Variants in EIF5A2 observed in about 807,000 individuals in gnomAD.
The protein encoded by EIF5A2 is eukaryotic translation initiation factor 5A2, also known as eukaryotic translation initiation factor 5A-2.
In EIF5A2, 15 loss-of-function variants were observed where a neutral mutation model predicts 16.4. That is an observed-to-expected ratio of 0.92 (90% confidence interval 0.61 to 1.41). EIF5A2 has a LOEUF of 1.41. Among genes scored for constraint, EIF5A2 ranks in the 40% most tolerant of loss-of-function variants. The pLI is 0.00. For synonymous variants in EIF5A2, 48 were observed against 61.1 expected (o/e 0.79, Z 1.00); for missense variants, 144 against 189.5 (o/e 0.76, Z 1.41).
At position 170,908,341 on chromosome 3, in the gene EIF5A2, C is replaced by T. The variant is rs147159316; in HGVS notation, c.-36+202G>A. ...GGCCGCACAGGCGCCCCCTGTTCTG[C>T]CGGCATCCAGGGCTCAGCTCGGCCC... On this transcript the variant is annotated intron_variant, in intron 1 of 4. Coordinates refer to ENST00000295822, the MANE Select transcript of EIF5A2 (RefSeq NM_020390.6). Among the ~76,000 whole-genome samples, 105 of 152,350 alleles carry T rather than the reference C, an allele frequency of 6.9e-4. No individual in the cohort carries two copies. In the East Asian group the frequency reaches 0.019, roughly 27 times the overall value.
chr3:170,894,381 T>G lies in EIF5A2; in HGVS notation c.313A>C (p.Thr105Pro). The G allele has an allele frequency of 6.2e-7, 1 of 1,614,048 alleles. No individual in the cohort carries two copies. The change falls in exon 4 of 5, where the codon ACT becomes CCT. Residue 105 changes from threonine (T) to proline (P), a missense_variant. Coordinates refer to ENST00000295822, the MANE Select transcript of EIF5A2 (RefSeq NM_020390.6). ...QDGYLSLLTE[T>P]GEVREDLKLP... ...TTAAGATCCTCACGAACTTCACCAG[T>G]TTCTGTCAGCAGGGAAAGGTAACCA...
rs1462576142 is a variant in EIF5A2, at chr3:170,888,633, C to T, written c.*4727G>A. 6 of 152,126 alleles carry T rather than the reference C, an allele frequency of 3.9e-5. No homozygotes were observed. Among genetic ancestry groups the T allele is most frequent in the Non-Finnish European group, 7.4e-5 (5 of 67,904 alleles). The allele number at this position is 152,126 out of a possible 1,614,324, so 9.4% of individuals were successfully genotyped here. On this transcript the variant is annotated 3_prime_UTR_variant, in exon 5 of 5. Coordinates refer to ENST00000295822, the MANE Select transcript of EIF5A2 (RefSeq NM_020390.6). Reference sequence around the variant, plus strand: ...GTATTTTAGAATTTTAAAGTTTTAGCGAAAACATTTGAGTTTCTGCAGGTA... The same window carrying T: ...GTATTTTAGAATTTTAAAGTTTTAGTGAAAACATTTGAGTTTCTGCAGGTA...
At chr3:170,894,210 T>G in intron 4 of EIF5A2, 82 bp downstream of exon 4, 2 of 1,422,058 alleles carry the variant, frequency 1.4e-6, no homozygotes, top group Non-Finnish European at 1.9e-6. Flanking sequence ...CCACATTCCA[T>G]ATGTAGTATT....
At position 170,902,203 on chromosome 3, in the gene EIF5A2, G is replaced by A. The variant is rs188137074; in HGVS notation, c.270+4786C>T. Among the ~76,000 whole-genome samples, 21 of 152,232 alleles carry A rather than the reference G, an allele frequency of 1.4e-4. No individual in the cohort carries two copies. The East Asian group carries it at 1.9e-3, about 14-fold the overall frequency. ...GATACCAATGACTAGATGGACAGTT[G>A]CCTATGACCAGCTGACTGAGAAAGG... On this transcript the variant is annotated intron_variant, in intron 3 of 4. Coordinates refer to ENST00000295822, the MANE Select transcript of EIF5A2 (RefSeq NM_020390.6).
At chr3:170,895,848 A>G (rs987242990) in intron 3 of EIF5A2, among the ~76,000 whole-genome samples, 4 of 152,188 alleles carry the variant, frequency 2.6e-5, no homozygotes, top group Admixed American at 6.5e-5. Context: ...TAAAAAATAT[A>G]TATATTTTTA....
At chr3:170,904,638 C>CTG (rs1319480834) in intron 3 of EIF5A2, among the ~76,000 whole-genome samples, 2 of 152,094 alleles carry the variant, frequency 1.3e-5, no homozygotes, top group Non-Finnish European at 2.9e-5. Flanking sequence ...GGGACTACAG[C>CTG]TGTGTACACC....
chr3:170,896,130 C>G (rs1341100178), intron 3 of EIF5A2, among the ~76,000 whole-genome samples: 1 of 152,126 alleles, frequency 6.6e-6, no homozygotes, highest in Non-Finnish European at 1.5e-5. Flanking sequence ...AATAATAATA[C>G]TGATATTTTG....
chr3:170,899,402 T>A (rs1432924301), intron 3 of EIF5A2, among the ~76,000 whole-genome samples: 1 of 152,010 alleles, frequency 6.6e-6, no homozygotes, highest in African/African-American at 2.4e-5. Context: ...GTTGGGATTT[T>A]TTTTATTTTT....
At chr3:170,895,143 C>A (rs141984158) in intron 3 of EIF5A2, among the ~76,000 whole-genome samples, 11 of 151,004 alleles carry the variant, frequency 7.3e-5, no homozygotes, top group Non-Finnish European at 1.3e-4. Flanking sequence ...CCTTAGTTAA[C>A]TACCACATAT....
At chr3:170,900,464 G>A (rs1163419599) in intron 3 of EIF5A2, among the ~76,000 whole-genome samples, 4 of 151,656 alleles carry the variant, frequency 2.6e-5, no homozygotes, top group Admixed American at 1.3e-4. Flanking sequence ...ATCAGGAAGT[G>A]TGTAAGATGA....
chr3:170,894,213 G>A (rs1712609834), intron 4 of EIF5A2, 79 bp downstream of exon 4: 1 of 1,458,016 alleles, frequency 6.9e-7, no homozygotes. Flanking sequence ...CATTCCATAT[G>A]TAGTATTTTA....
intron 1 of EIF5A2, among the ~76,000 whole-genome samples, 158 bp from the exon 2 acceptor site, chr3:170,907,999 T>C (rs1486089653): frequency 6.6e-6 from 1 of 152,192 alleles, no homozygotes; most frequent in African/African-American, 2.4e-5. Flanking sequence ...CTCTGGCCTC[T>C]ACAAACTTTT....
At chr3:170,902,107 C>T (rs1031530171) in intron 3 of EIF5A2, among the ~76,000 whole-genome samples, 1 of 152,176 alleles carries the variant, frequency 6.6e-6, no homozygotes, top group African/African-American at 2.4e-5. Flanking sequence ...AAGGTACAAA[C>T]AAGTTGTATA....
Position 170,893,416 on chromosome 3 carries a change from A to G in EIF5A2, c.406T>C (p.Ser136Pro). Residue 136 changes from serine to proline, a missense_variant, in exon 5 of 5, where the codon TCT (serine) becomes CCT (proline). Coordinates refer to ENST00000295822, the MANE Select transcript of EIF5A2 (RefSeq NM_020390.6). ...TCTTCACTCATTGCACACATGACAG[A>G]CACCTAGAAGGAAAAAAGCAGGCAA... ...KYNAGEDVQV[S>P]VMCAMSEEYA... 2 of 1,613,876 alleles carry G rather than the reference A, an allele frequency of 1.2e-6. No individual in the cohort carries two copies. Among genetic ancestry groups the G allele is most frequent in the Middle Eastern group, 1.7e-4 (1 of 6,058 alleles).
chr3:170,900,118 C>T (rs1001426081), intron 3 of EIF5A2, among the ~76,000 whole-genome samples: 1 of 151,828 alleles, frequency 6.6e-6, no homozygotes, highest in Non-Finnish European at 1.5e-5. Flanking sequence ...CACCTGTAAT[C>T]CTAGCACTTC....
chr3:170,893,255 G>T lies in EIF5A2; in HGVS notation c.*105C>A. The T allele has an allele frequency of 1.1e-5, 12 of 1,095,302 alleles. No individual in the cohort carries two copies. The highest frequency in any genetic ancestry group is 1.4e-5 in the Non-Finnish European group (11 of 788,196). 67.8% of individuals were successfully genotyped at this position (1,095,302 alleles called of 1,614,324 possible). ...CACAATCTGAAAACAATTAAAAAAA[G>T]AAATGAGGTTGCTTATGAAGGCTAT... On this transcript the variant is annotated 3_prime_UTR_variant, in exon 5 of 5. Transcript: ENST00000295822.
intron 3 of EIF5A2, among the ~76,000 whole-genome samples, chr3:170,897,434 A>G (rs999383679): frequency 7.2e-5 from 11 of 152,352 alleles, no homozygotes; most frequent in East Asian, 1.9e-4. Flanking sequence ...CCAGGCCCAG[A>G]GCCCTGCTGC....
intron 3 of EIF5A2, among the ~76,000 whole-genome samples, chr3:170,899,707 C>T (rs945627363): frequency 1.3e-5 from 2 of 151,086 alleles, no homozygotes; most frequent in African/African-American, 4.9e-5. Context: ...GTTACACTTT[C>T]CCCCTTTGTA....
intron 2 of EIF5A2, 149 bp downstream of exon 2, chr3:170,907,493 C>T (rs1341674653): frequency 5.4e-6 from 5 of 924,132 alleles, no homozygotes; most frequent in Non-Finnish European, 7.8e-6. Flanking sequence ...AAGTATTCAA[C>T]GTAATAACTG....
Sources: allele counts gnomAD v4.1 joint callset (sites outside exome capture counted in the v4.1 genomes callset), GRCh38; gene constraint gnomAD v4.1.1; transcripts MANE v1.5; gene names NCBI Gene and HGNC (gene_info 2026-07-23, HGNC 2026-07-21).